The following C10orf90 variants were observed in gnomAD, a reference collection of about 807,000 sequenced individuals.
C10orf90 encodes the protein chromosome 10 open reading frame 90.
Under a neutral mutation model 62.5 loss-of-function variants are expected in C10orf90, and 56 were observed. The ratio of observed to expected loss-of-function variants is 0.90; its 90% confidence interval spans 0.72 to 1.12. The LOEUF (loss-of-function observed/expected upper bound fraction) is 1.12, where lower values mean the gene tolerates loss of function less well. Among genes scored for constraint, C10orf90 ranks in the 50% most tolerant of loss-of-function variants. C10orf90 has a pLI of 0.00. For missense variants in C10orf90, 970 were observed against 880.4 expected, an observed-to-expected ratio of 1.10 and a Z score of -1.29; for synonymous variants, 386 against 340.4, an observed-to-expected ratio of 1.13 and a Z score of -1.47.
chr10:126,533,824 G>C (rs7894898), intron 2 of C10orf90, among the ~76,000 whole-genome samples: 2,610 of 152,328 alleles, frequency 0.017, 77 homozygotes, highest in African/African-American at 0.059. Context: ...CTGGCACATT[G>C]CAGAAGCTAA....
Position 126,556,982 on chromosome 10 carries a change from T to C in C10orf90, c.314-43043A>G, listed in dbSNP as rs138091609. ...TGTTTCTATTAGGTTGGTGCAAAAG[T>C]AATCGTGGTTTTTGCAATTAATCAA... On this transcript the variant is annotated intron_variant, in intron 2 of 9. Transcript: ENST00000488181. 2.3e-3 allele frequency among the ~76,000 whole-genome samples: 331 copies of C among 141,132 alleles called. 3 individuals carry two copies. The East Asian group carries it at 0.031, about 13-fold the overall frequency. 92.6% of individuals were successfully genotyped at this position (141,132 alleles called of 152,430 possible). A position where few individuals can be genotyped will look rare whatever the true frequency, so the allele number is the denominator to read the frequency against.
At chr10:126,488,369 T>A (rs1040119224) in intron 4 of C10orf90, among the ~76,000 whole-genome samples, 8 of 152,024 alleles carry the variant, frequency 5.3e-5, no homozygotes, top group African/African-American at 1.9e-4. Flanking sequence ...ATACCAAAAT[T>A]AGAAGGAAAT....
At chr10:126,541,607 T>C (rs191611920) in intron 2 of C10orf90, among the ~76,000 whole-genome samples, 1 of 152,310 alleles carries the variant, frequency 6.6e-6, no homozygotes, top group African/African-American at 2.4e-5. Context: ...TGCTTAACAT[T>C]ATTAGTCATT....
In C10orf90 at chr10:126,459,268, G is replaced by A. The variant is rs1190294094; in HGVS notation, c.2011-51C>T. 7 of 1,598,170 alleles carry A rather than the reference G, an allele frequency of 4.4e-6. No homozygotes were observed. In the East Asian group the frequency reaches 1.6e-4, roughly 36 times the overall value. On this transcript the variant is annotated intron_variant, in intron 6 of 9. Transcript: ENST00000488181. Reference sequence around the variant, plus strand: ...ATTTTTAAGAGCAGTGACACAGAAAGGCAACGCATCTGTCTGATGCAGCCA... The same window carrying A: ...ATTTTTAAGAGCAGTGACACAGAAAAGCAACGCATCTGTCTGATGCAGCCA...
At chr10:126,477,010 C>T (rs1590973987) in intron 4 of C10orf90, among the ~76,000 whole-genome samples, 2 of 144,430 alleles carry the variant, frequency 1.4e-5, no homozygotes, top group African/African-American at 5.1e-5. Flanking sequence ...ACCGGGTTCA[C>T]GCCATTCTCC....
chr10:126,476,356 T>C (rs1860865531), intron 4 of C10orf90, among the ~76,000 whole-genome samples: 1 of 152,322 alleles, frequency 6.6e-6, no homozygotes, highest in Admixed American at 6.5e-5. Flanking sequence ...ACTGCGCCCT[T>C]TGAAGAACTA....
At chr10:126,564,972 A>T (rs185728501) in intron 2 of C10orf90, among the ~76,000 whole-genome samples, 623 of 4,366 alleles carry the variant, frequency 0.14, 90 homozygotes, top group Non-Finnish European at 0.28. Context: ...AAATATATAT[A>T]ATATATAAAA....
intron 2 of C10orf90, among the ~76,000 whole-genome samples, chr10:126,620,058 C>T (rs948969661): frequency 1.3e-5 from 2 of 152,056 alleles, no homozygotes; most frequent in Non-Finnish European, 2.9e-5. Context: ...TCTTCTGACA[C>T]TCTGTGGCTC....
At chr10:126,491,180 T>C (rs968057220) in intron 4 of C10orf90, among the ~76,000 whole-genome samples, 1 of 152,146 alleles carries the variant, frequency 6.6e-6, no homozygotes, top group African/African-American at 2.4e-5. Flanking sequence ...ATTCATGCAA[T>C]GACATGGAAG....
chr10:126,539,626 AAACTT>A (rs1864328561), intron 2 of C10orf90, among the ~76,000 whole-genome samples: 1 of 152,230 alleles, frequency 6.6e-6, no homozygotes, highest in Non-Finnish European at 1.5e-5. Flanking sequence ...CTAGGGAAAA[AAACTT>A]TAATAAAGCA....
chr10:126,527,607 G>A (rs986378837), intron 2 of C10orf90, among the ~76,000 whole-genome samples: 1 of 152,212 alleles, frequency 6.6e-6, no homozygotes, highest in Non-Finnish European at 1.5e-5. Context: ...ACAGACATGG[G>A]TTTGCATCTA....
rs148621475 is a variant in C10orf90, at chr10:126,614,627, ATCC to A, written c.313+31935_313+31937del. On this transcript the variant is annotated intron_variant, in intron 2 of 9. Coordinates refer to ENST00000488181, the MANE Select transcript of C10orf90 (RefSeq NM_001350921.2). ...TAAGGTGGTTCCCAGTCCAGGGGAA[ATCC>A]TCCTCCATTTATTTCTGCTATGCTT... 9.9e-3 allele frequency among the ~76,000 whole-genome samples: 1,500 copies of A among 152,138 alleles called. 8 individuals carry two copies. Among genetic ancestry groups the A allele is most frequent in the Non-Finnish European group, 0.016 (1,072 of 68,000 alleles).
At chr10:126,635,632 A>G (rs1283676079) in intron 2 of C10orf90, among the ~76,000 whole-genome samples, 3 of 152,188 alleles carry the variant, frequency 2.0e-5, no homozygotes, top group African/African-American at 4.8e-5. Context: ...TGTCACTCAT[A>G]TGGTCTGCAC....
chr10:126,618,655 A>G (rs1845587960), intron 2 of C10orf90, among the ~76,000 whole-genome samples: 1 of 152,128 alleles, frequency 6.6e-6, no homozygotes, highest in African/African-American at 2.4e-5. Context: ...AGTATGATTC[A>G]TATATAGAAA....
intron 7 of C10orf90, among the ~76,000 whole-genome samples, chr10:126,445,745 C>G (rs1190711307): frequency 6.7e-6 from 1 of 150,194 alleles, no homozygotes; most frequent in African/African-American, 2.5e-5. Context: ...TTTGCAATTG[C>G]AAAATCATGG....
intron 2 of C10orf90, among the ~76,000 whole-genome samples, chr10:126,543,386 T>C (rs938997520): frequency 7.9e-5 from 12 of 152,212 alleles, no homozygotes; most frequent in Admixed American, 7.9e-4. Context: ...ATAAAGTGCT[T>C]AGCATTATGT....
At chr10:126,439,588 T>TA (rs753543813) in intron 7 of C10orf90, among the ~76,000 whole-genome samples, 3 of 151,816 alleles carry the variant, frequency 2.0e-5, no homozygotes, top group African/African-American at 7.3e-5. Flanking sequence ...AATATATGAA[T>TA]AAAATGAGAA....
intron 2 of C10orf90, among the ~76,000 whole-genome samples, chr10:126,621,034 T>C (rs928617558): frequency 6.6e-6 from 1 of 152,244 alleles, no homozygotes; most frequent in African/African-American, 2.4e-5. Context: ...AATATTTTAT[T>C]AAGCATATTA....
intron 2 of C10orf90, among the ~76,000 whole-genome samples, chr10:126,601,283 G>A (rs1845193160): frequency 6.6e-6 from 1 of 152,132 alleles, no homozygotes; most frequent in South Asian, 2.1e-4. Flanking sequence ...TACAACATGA[G>A]GACTCTAGGT....
Sources: gnomAD v4.1 joint callset for allele counts (sites outside exome capture counted in the v4.1 genomes callset) on GRCh38, gnomAD v4.1.1 for gene constraint, MANE v1.5 for transcripts, NCBI Gene and HGNC (gene_info 2026-07-23, HGNC 2026-07-21) for gene names.